Variants in ROBO2 observed in about 807,000 individuals in gnomAD.
ROBO2 encodes the protein roundabout homolog 2.
ROBO2 carries 53 observed loss-of-function variants against 160.8 expected under a neutral mutation model. The ratio of observed to expected loss-of-function variants is 0.33; its 90% CI spans 0.26 to 0.41. The LOEUF (loss-of-function observed/expected upper bound fraction) is 0.41. Ranked by LOEUF, ROBO2 falls within the 10% of genes least tolerant of loss-of-function variation. The probability of loss-of-function intolerance (pLI) is 1.00; values close to 1 mark genes in which losing one functional copy is unlikely to be tolerated. For synonymous variants in ROBO2, 664 were observed against 611.7 expected (o/e 1.09, Z -1.26); for missense variants, 1,577 against 1,722.4 (o/e 0.92, Z 1.49).
At chr3:76,997,828 C>T (rs1468441640) in intron 2 of ROBO2, among the ~76,000 whole-genome samples, 1 of 152,118 alleles carries the variant, frequency 6.6e-6, no homozygotes, top group African/African-American at 2.4e-5. Flanking sequence ...CTAGGCAGGG[C>T]TTGCTGTTGT....
intron 2 of ROBO2, among the ~76,000 whole-genome samples, chr3:76,882,946 C>A (rs1023033976): frequency 2.0e-5 from 3 of 152,130 alleles, no homozygotes; most frequent in Non-Finnish European, 4.4e-5. Context: ...TTTCCATTAT[C>A]AGTTTGTTTT....
At chr3:77,103,292 C>T (rs570621754) in intron 2 of ROBO2, among the ~76,000 whole-genome samples, 4 of 152,218 alleles carry the variant, frequency 2.6e-5, no homozygotes, top group Admixed American at 6.5e-5. Flanking sequence ...TTATTTTTTC[C>T]GTTTCCTTTT....
At chr3:76,812,794 AG>A (rs1195855501) in intron 2 of ROBO2, among the ~76,000 whole-genome samples, 1 of 152,046 alleles carries the variant, frequency 6.6e-6, no homozygotes, top group Non-Finnish European at 1.5e-5. Context: ...AAAGACATAG[AG>A]CAAAATTAGT....
At chr3:76,506,880 T>C (rs1041456189) in intron 2 of ROBO2, among the ~76,000 whole-genome samples, 1 of 152,192 alleles carries the variant, frequency 6.6e-6, no homozygotes, top group Non-Finnish European at 1.5e-5. Context: ...CCTTAAAATA[T>C]ACCTAAAAAT....
intron 2 of ROBO2, among the ~76,000 whole-genome samples, chr3:76,310,291 CACAA>C (rs992779499): frequency 6.6e-6 from 1 of 152,138 alleles, no homozygotes; most frequent in Non-Finnish European, 1.5e-5. Flanking sequence ...TGGTGATGTA[CACAA>C]ACAAATAAAA....
At chr3:76,467,316 C>T (rs968427162) in intron 2 of ROBO2, among the ~76,000 whole-genome samples, 3 of 152,018 alleles carry the variant, frequency 2.0e-5, no homozygotes, top group Admixed American at 6.6e-5. Context: ...CTGTATAAAG[C>T]GTGTTTCTTA....
At chr3:77,021,516 G>T (rs1402933875) in intron 2 of ROBO2, among the ~76,000 whole-genome samples, 1 of 152,168 alleles carries the variant, frequency 6.6e-6, no homozygotes, top group African/African-American at 2.4e-5. Flanking sequence ...TTGTCTGAAA[G>T]TAAGTTATAA....
At chr3:76,736,009 C>T (rs953631564) in intron 2 of ROBO2, among the ~76,000 whole-genome samples, 4 of 151,730 alleles carry the variant, frequency 2.6e-5, no homozygotes, top group East Asian at 1.9e-4. Context: ...AAAGGCCGGG[C>T]GCGGTGGCTC....
chr3:76,465,582 A>G (rs1453340636), intron 2 of ROBO2, among the ~76,000 whole-genome samples: 2 of 152,058 alleles, frequency 1.3e-5, no homozygotes, highest in African/African-American at 4.8e-5. Context: ...TTCACAGTGG[A>G]TAATCTACAT....
At chr3:76,035,166 G>A (rs2067063582) in intron 2 of ROBO2, among the ~76,000 whole-genome samples, 1 of 149,946 alleles carries the variant, frequency 6.7e-6, no homozygotes, top group Admixed American at 6.6e-5. Context: ...CTTTTTCTAT[G>A]GCTGGACTAC....
chr3:76,136,323 G>C (rs990831633), intron 2 of ROBO2, among the ~76,000 whole-genome samples: 1 of 151,814 alleles, frequency 6.6e-6, no homozygotes, highest in African/African-American at 2.4e-5. Flanking sequence ...CTGTCATTTA[G>C]AATAATGCTT....
chr3:77,080,748 A>T (rs1452821738), intron 1 of ROBO2, among the ~76,000 whole-genome samples: 1 of 152,122 alleles, frequency 6.6e-6, no homozygotes, highest in Admixed American at 6.6e-5. Flanking sequence ...CCTGATGCAT[A>T]CAACTGCCTG....
Position 76,170,740 on chromosome 3 carries a change from G to A in ROBO2, c.109+233138G>A, listed in dbSNP as rs191645691. On this transcript the variant is annotated intron_variant, in intron 2 of 26. Transcript: ENST00000487694. The stretch of plus-strand genomic sequence containing the variant: ...ATCTTAAAAATAATTTAAGGTGATT[G>A]GTTAGATACCAGAATAATCATACAT... Among the ~76,000 whole-genome samples, 966 of 152,180 alleles carry A rather than the reference G, an allele frequency of 6.3e-3. 14 individuals are homozygous for A. Among genetic ancestry groups the A allele is most frequent in the African/African-American group, 0.022 (905 of 41,516 alleles).
At chr3:76,312,718 G>C (rs1038693696) in intron 2 of ROBO2, among the ~76,000 whole-genome samples, 1 of 152,332 alleles carries the variant, frequency 6.6e-6, no homozygotes, top group Admixed American at 6.5e-5. Flanking sequence ...TTGATGTCAG[G>C]AGTGTTAACT....
At chr3:77,264,333 C>G (rs2058982585) in intron 2 of ROBO2, among the ~76,000 whole-genome samples, 1 of 152,092 alleles carries the variant, frequency 6.6e-6, no homozygotes, top group African/African-American at 2.4e-5. Context: ...TTAACAACTC[C>G]TGACTTTGTT....
At chr3:76,848,560 A>G (rs987579803) in intron 2 of ROBO2, among the ~76,000 whole-genome samples, 1 of 152,208 alleles carries the variant, frequency 6.6e-6, no homozygotes, top group Admixed American at 6.5e-5. Context: ...ACAAAATACC[A>G]TAAAATGGAC....
chr3:76,968,943 G>A lies in ROBO2; in HGVS notation c.110-129071G>A, dbSNP rs149772644. 5.3e-5 allele frequency among the ~76,000 whole-genome samples: 8 copies of A among 152,154 alleles called. No homozygotes were observed. In the East Asian group the frequency reaches 1.4e-3, roughly 26 times the overall value. ...TTAATTTAGTGACAGCTGCATAACCGGATAATTAGTCTTCATTTTGGTGTA... is the reference window on the plus strand; with the variant it reads ...TTAATTTAGTGACAGCTGCATAACCAGATAATTAGTCTTCATTTTGGTGTA... On this transcript the variant is annotated intron_variant, in intron 2 of 26. Coordinates refer to the ROBO2 transcript ENST00000487694.
chr3:76,968,245 A>C (rs2059405186), intron 2 of ROBO2, among the ~76,000 whole-genome samples: 1 of 152,184 alleles, frequency 6.6e-6, no homozygotes, highest in Non-Finnish European at 1.5e-5. Context: ...ATATTGTTTT[A>C]TAGATTAGTC....
At chr3:76,592,669 A>G (rs2086488788) in intron 2 of ROBO2, among the ~76,000 whole-genome samples, 1 of 152,118 alleles carries the variant, frequency 6.6e-6, no homozygotes, top group Non-Finnish European at 1.5e-5. Flanking sequence ...GCACCCAATT[A>G]TAATCTCACA....
Sources: allele counts gnomAD v4.1 joint callset (sites outside exome capture counted in the v4.1 genomes callset), GRCh38; gene constraint gnomAD v4.1.1; transcripts MANE v1.5; gene names NCBI Gene and HGNC (gene_info 2026-07-23, HGNC 2026-07-21).